LAPTM4A: variants seen among roughly 807,000 people sequenced by gnomAD.
LAPTM4A encodes lysosomal protein transmembrane 4 alpha.
LAPTM4A carries 19 observed loss-of-function variants against 29.9 expected under a neutral mutation model. The observed-to-expected ratio is 0.64, with a 90% CI of 0.44 to 0.93. The LOEUF (loss-of-function observed/expected upper bound fraction) is 0.93. LAPTM4A is among the 40% of genes least tolerant of loss of function. The probability of loss-of-function intolerance (pLI) is 0.00; values close to 1 mark genes in which losing one functional copy is unlikely to be tolerated. For synonymous variants in LAPTM4A, 105 were observed against 102.1 expected (o/e 1.03, Z -0.17); for missense variants, 293 against 288.5 (o/e 1.02, Z -0.11).
chr2:20,037,150 T>C (rs1673694170), intron 4 of LAPTM4A, 166 bp downstream of exon 4: 1 of 538,600 alleles, frequency 1.9e-6, no homozygotes. Context: ...ACTTTCATCT[T>C]GCCAGTTTTG....
intron 1 of LAPTM4A, among the ~76,000 whole-genome samples, chr2:20,050,599 A>G (rs1047959949): frequency 3.9e-5 from 6 of 152,308 alleles, no homozygotes; most frequent in Admixed American, 2.6e-4. Context: ...GTGAATTACA[A>G]AAGAAAAAAT....
intron 1 of LAPTM4A, among the ~76,000 whole-genome samples, chr2:20,050,393 G>A (rs765055739): frequency 1.3e-5 from 2 of 152,204 alleles, no homozygotes; most frequent in Non-Finnish European, 2.9e-5. Flanking sequence ...TTGCAGTTAA[G>A]TATCAAAAAC....
chr2:20,041,587 G>A (rs1412303687), intron 1 of LAPTM4A, among the ~76,000 whole-genome samples: 1 of 152,148 alleles, frequency 6.6e-6, no homozygotes, highest in Non-Finnish European at 1.5e-5. Context: ...CCAGGGTGGA[G>A]TGCAGTGGTG....
Position 20,044,361 on chromosome 2 carries a change from T to C in LAPTM4A, c.112-3350A>G, listed in dbSNP as rs574940759. On this transcript the variant is annotated intron_variant, in intron 1 of 6. Transcript: ENST00000175091. Reference sequence around the variant, plus strand: ...GCATAGTCACAGTGAAAAAGCTCTCTGCGGTACAGAAATTCCTTTGTCAAG... The same window carrying C: ...GCATAGTCACAGTGAAAAAGCTCTCCGCGGTACAGAAATTCCTTTGTCAAG... Among the ~76,000 whole-genome samples the C allele has an allele frequency of 1.1e-3, 170 of 152,368 alleles. No individual in the cohort carries two copies. The Middle Eastern group carries it at 0.024, about 21-fold the overall frequency.
intron 6 of LAPTM4A, among the ~76,000 whole-genome samples, chr2:20,033,661 C>T (rs1162929401): frequency 6.6e-6 from 1 of 152,216 alleles, no homozygotes; most frequent in African/African-American, 2.4e-5. Context: ...CAATAAGACG[C>T]TAGCTCCTGG....
chr2:20,047,206 G>A (rs889934024), intron 1 of LAPTM4A, among the ~76,000 whole-genome samples: 4 of 151,192 alleles, frequency 2.6e-5, no homozygotes, highest in Admixed American at 1.3e-4. Context: ...CGGCCAACAC[G>A]GTGAAACCCC....
chr2:20,046,115 T>A (rs1162782212), intron 1 of LAPTM4A, among the ~76,000 whole-genome samples: 1 of 152,162 alleles, frequency 6.6e-6, no homozygotes, highest in Non-Finnish European at 1.5e-5. Flanking sequence ...ACACCGCATG[T>A]TCTCACTCAT....
At chr2:20,048,186 T>G (rs1213368944) in intron 1 of LAPTM4A, among the ~76,000 whole-genome samples, 1 of 152,258 alleles carries the variant, frequency 6.6e-6, no homozygotes, top group East Asian at 1.9e-4. Flanking sequence ...TCACAAAGTA[T>G]ATCTACTACA....
chr2:20,037,150 T>G, intron 4 of LAPTM4A, 166 bp downstream of exon 4: 1 of 538,600 alleles, frequency 1.9e-6, no homozygotes. Flanking sequence ...ACTTTCATCT[T>G]GCCAGTTTTG....
intron 1 of LAPTM4A, 55 bp downstream of exon 1, chr2:20,051,355 C>G: frequency 8.8e-7 from 1 of 1,137,124 alleles, no homozygotes; most frequent in Non-Finnish European, 1.3e-6. Flanking sequence ...CCCCTCCGCA[C>G]CAGGCCCCGC....
rs377542525 is a variant in LAPTM4A at position 20,051,523 on chromosome 2, T to C, written c.-3A>G. On this transcript the variant is annotated 5_prime_UTR_variant, in exon 1 of 7. Transcript: ENST00000175091. ...CGCTTGAAACTCATGGACACCATCG[T>C]AACAGGCGGGCCTCCTTCTTGGCCG... 12 of 1,582,730 alleles carry C rather than the reference T, an allele frequency of 7.6e-6. No homozygotes were observed. Among genetic ancestry groups the C allele is most frequent in the Non-Finnish European group, 1.0e-5 (12 of 1,159,788 alleles).
rs1342768772 is a variant in LAPTM4A at position 20,037,327 on chromosome 2, G to T, written c.421C>A (p.Leu141Met). Residue 141 changes from leucine (L) to methionine (M), a missense_variant, in exon 4 of 7, where the codon CTG (leucine) becomes ATG (methionine). Leu to Met is a conservative substitution (Grantham distance 15). Transcript: ENST00000175091. ...GCATACACACTTACTAGTTGATCCA[G>T]ATATTCTTTGATTCTTGGCAAATAG... is the stretch of plus-strand genomic sequence containing the variant. ...LTYLPRIKEYLDQLPDFPYKD... is the reference protein window; with the variant it reads ...LTYLPRIKEYMDQLPDFPYKD... 1.2e-6 allele frequency: 2 copies of T among 1,611,020 alleles called. No individual in the cohort carries two copies. The highest frequency in any genetic ancestry group is 1.1e-5 in the South Asian group (1 of 90,732).
At chr2:20,045,546 AGCATGGGCTGCGG>A (rs1163326688) in intron 1 of LAPTM4A, among the ~76,000 whole-genome samples, 1 of 152,222 alleles carries the variant, frequency 6.6e-6, no homozygotes, top group African/African-American at 2.4e-5. Context: ...ATATTTTAGC[AGCATGGGCTGCGG>A]ATTCACCACT....
Position 20,043,750 on chromosome 2 carries a change from TG to T in LAPTM4A, c.112-2740del, listed in dbSNP as rs147787147. On this transcript the variant is annotated intron_variant, in intron 1 of 6. Coordinates refer to ENST00000175091, the MANE Select transcript of LAPTM4A (RefSeq NM_014713.5). ...ATGCTTTATGACATGTGTATTTACG[TG>T]TATTACTTCACTTATTCCTCACAAC... Among the ~76,000 whole-genome samples the T allele has an allele frequency of 4.7e-3, 709 of 152,356 alleles. 5 individuals carry two copies. The highest frequency in any genetic ancestry group is 0.016 in the African/African-American group (672 of 41,578).
chr2:20,032,769 T>C lies in LAPTM4A; in HGVS notation c.*436A>G, dbSNP rs973576072. On this transcript the variant is annotated 3_prime_UTR_variant, in exon 7 of 7. Transcript: ENST00000175091. ...CACAATGTCAAATATTTTTCTTGCCTCTGCAGATGAAAAGTTCAGATCTTA... is the reference window on the plus strand; with the variant it reads ...CACAATGTCAAATATTTTTCTTGCCCCTGCAGATGAAAAGTTCAGATCTTA... The C allele has an allele frequency of 6.3e-6, 1 of 159,040 alleles. No homozygotes were observed. The highest frequency in any genetic ancestry group is 2.4e-5 in the African/African-American group (1 of 41,584). 9.9% of individuals were successfully genotyped at this position (159,040 alleles called of 1,614,324 possible).
At chr2:20,039,092 T>C (rs1184224201) in intron 2 of LAPTM4A, among the ~76,000 whole-genome samples, 1 of 152,116 alleles carries the variant, frequency 6.6e-6, no homozygotes, top group South Asian at 2.1e-4. Context: ...AATTTTTGTA[T>C]TTTTAATAGA....
intron 1 of LAPTM4A, among the ~76,000 whole-genome samples, chr2:20,046,473 TAATAA>T (rs1367048991): frequency 6.6e-6 from 1 of 151,828 alleles, no homozygotes; most frequent in African/African-American, 2.4e-5. Flanking sequence ...ATGTTTTAAT[TAATAA>T]GTTAGCCATC....
At chr2:20,047,712 G>GAAAAAAGAAAAAAAAAAAAAA (rs1553332102) in intron 1 of LAPTM4A, among the ~76,000 whole-genome samples, 1 of 129,944 alleles carries the variant, frequency 7.7e-6, no homozygotes, top group Non-Finnish European at 1.7e-5. Flanking sequence ...AAAAAAAAAA[G>GAAAAAAGAAAAAAAAAAAAAA]GAAAGTTTTA....
intron 1 of LAPTM4A, among the ~76,000 whole-genome samples, chr2:20,048,111 A>G (rs1673974789): frequency 6.6e-6 from 1 of 152,244 alleles, no homozygotes; most frequent in Admixed American, 6.5e-5. Flanking sequence ...TTAGCCATAT[A>G]TTAAGTCTAA....
Sources: gnomAD v4.1 joint callset for allele counts (sites outside exome capture counted in the v4.1 genomes callset) on GRCh38, gnomAD v4.1.1 for gene constraint, MANE v1.5 for transcripts, NCBI Gene and HGNC (gene_info 2026-07-23, HGNC 2026-07-21) for gene names.